The following COL19A1 variants were observed in gnomAD, a reference collection of about 807,000 sequenced individuals.
The protein encoded by COL19A1 is collagen alpha-1(XIX) chain.
A neutral mutation model predicts 190.2 loss-of-function variants in COL19A1; 159 were observed. That is an observed-to-expected ratio of 0.84 (90% CI 0.73 to 0.95). COL19A1 has a LOEUF of 0.95. Ranked by LOEUF, COL19A1 falls within the 40% of genes least tolerant of loss-of-function variation. The probability of loss-of-function intolerance (pLI) is 0.00; values close to 1 mark genes in which losing one functional copy is unlikely to be tolerated. For synonymous variants in COL19A1, 509 were observed against 458.9 expected (o/e 1.11, Z -1.39); for missense variants, 1,418 against 1,431.9 (o/e 0.99, Z 0.16).
At chr6:69,968,459 C>G (rs1775243905) in intron 11 of COL19A1, among the ~76,000 whole-genome samples, 1 of 152,074 alleles carries the variant, frequency 6.6e-6, no homozygotes, top group South Asian at 2.1e-4. Context: ...TTATATTTAA[C>G]TTGTAACAGC....
chr6:69,905,475 C>T (rs1049795830), intron 4 of COL19A1, among the ~76,000 whole-genome samples: 2 of 152,084 alleles, frequency 1.3e-5, no homozygotes, highest in Admixed American at 6.6e-5. Flanking sequence ...TGTCCTGGCT[C>T]CCCGCTGTTC....
intron 15 of COL19A1, among the ~76,000 whole-genome samples, chr6:70,083,990 C>T (rs967315602): frequency 2.6e-5 from 4 of 151,794 alleles, no homozygotes; most frequent in African/African-American, 9.7e-5. Flanking sequence ...TTTTTTCCCC[C>T]CGGAAAAAAG....
intron 11 of COL19A1, among the ~76,000 whole-genome samples, chr6:69,983,768 C>G (rs1032289934): frequency 6.6e-6 from 1 of 152,000 alleles, no homozygotes; most frequent in Admixed American, 6.6e-5. Context: ...GATTGATTTT[C>G]AAATGCTAAA....
intron 11 of COL19A1, among the ~76,000 whole-genome samples, chr6:69,997,148 G>T (rs1233907725): frequency 1.3e-5 from 2 of 151,868 alleles, no homozygotes; most frequent in African/African-American, 2.4e-5. Flanking sequence ...CCAGCAAAAA[G>T]AAAAAGCAAA....
intron 11 of COL19A1, among the ~76,000 whole-genome samples, chr6:69,974,712 T>A (rs1347950586): frequency 1.3e-5 from 2 of 152,052 alleles, no homozygotes; most frequent in Non-Finnish European, 2.9e-5. Context: ...ATCTAATTTA[T>A]CCCAGTTCTA....
At chr6:70,127,993 A>T (rs1167581977) in intron 17 of COL19A1, among the ~76,000 whole-genome samples, 1 of 152,238 alleles carries the variant, frequency 6.6e-6, no homozygotes, top group Non-Finnish European at 1.5e-5. Context: ...TCAATTTAAC[A>T]AGAAAAACTC....
At chr6:70,157,475 G>T (rs1267073977) in intron 34 of COL19A1, among the ~76,000 whole-genome samples, 1 of 151,798 alleles carries the variant, frequency 6.6e-6, no homozygotes, top group Non-Finnish European at 1.5e-5. Context: ...AAGCCATCTG[G>T]CATATATTAA....
intron 4 of COL19A1, among the ~76,000 whole-genome samples, chr6:69,909,472 AT>A (rs1011480512): frequency 2.0e-5 from 3 of 152,156 alleles, no homozygotes; most frequent in African/African-American, 7.2e-5. Context: ...TGATAAAAAA[AT>A]ATCTTGAAGA....
At chr6:69,937,045 G>A (rs1773159563) in intron 8 of COL19A1, 135 bp downstream of exon 8, 1 of 1,247,190 alleles carries the variant, frequency 8.0e-7, no homozygotes, top group Non-Finnish European at 1.1e-6. Context: ...TTACTGGGGT[G>A]GGTTAAGAAA....
At chr6:70,003,659 T>G (rs1158163206) in intron 11 of COL19A1, among the ~76,000 whole-genome samples, 3 of 152,150 alleles carry the variant, frequency 2.0e-5, no homozygotes, top group Non-Finnish European at 2.9e-5. Flanking sequence ...TAATCGTAGT[T>G]GGTTTAAAGT....
At chr6:70,203,011 C>G (rs560602164) in intron 49 of COL19A1, among the ~76,000 whole-genome samples, 58 of 152,268 alleles carry the variant, frequency 3.8e-4, no homozygotes, top group Non-Finnish European at 7.6e-4. Context: ...ATGGCTGGTT[C>G]TCCCGGGTAT....
At chr6:69,984,808 G>T (rs1776227582) in intron 11 of COL19A1, among the ~76,000 whole-genome samples, 1 of 152,022 alleles carries the variant, frequency 6.6e-6, no homozygotes, top group African/African-American at 2.4e-5. Context: ...TTTCCTTGGG[G>T]ACATTTTAGC....
chr6:70,168,587 C>T, intron 39 of COL19A1, 68 bp from the exon 40 acceptor site: 1 of 1,516,964 alleles, frequency 6.6e-7, no homozygotes, highest in East Asian at 2.3e-5. Context: ...AATTGGACAA[C>T]AGTGTTTCTT....
intron 5 of COL19A1, 85 bp from the exon 6 acceptor site, chr6:69,929,340 A>G (rs1772600823): frequency 7.7e-7 from 1 of 1,299,476 alleles, no homozygotes; most frequent in Non-Finnish European, 1.1e-6. Flanking sequence ...TTATACTAAT[A>G]TGCATCTTGA....
At chr6:70,184,821 A>T in intron 45 of COL19A1, 50 bp from the exon 46 acceptor site, 1 of 1,609,046 alleles carries the variant, frequency 6.2e-7, no homozygotes. Flanking sequence ...AATCAGACTG[A>T]TGAAAAATCT....
At chr6:70,074,819 C>T (rs1488207480) in intron 15 of COL19A1, among the ~76,000 whole-genome samples, 3 of 152,170 alleles carry the variant, frequency 2.0e-5, no homozygotes, top group African/African-American at 4.8e-5. Flanking sequence ...TTAAAATGCA[C>T]GATGAGTGTT....
intron 7 of COL19A1, among the ~76,000 whole-genome samples, chr6:69,934,018 T>C (rs1319088799): frequency 1.3e-5 from 2 of 152,044 alleles, no homozygotes; most frequent in Non-Finnish European, 2.9e-5. Flanking sequence ...GAAAATTATA[T>C]GAAAATTTTA....
At chr6:69,973,679 A>C (rs1436877590) in intron 11 of COL19A1, among the ~76,000 whole-genome samples, 1 of 152,240 alleles carries the variant, frequency 6.6e-6, no homozygotes, top group Non-Finnish European at 1.5e-5. Context: ...TAATACAATC[A>C]TCAAATATCC....
intron 9 of COL19A1, among the ~76,000 whole-genome samples, chr6:69,943,277 CT>C (rs1285965205): frequency 6.6e-6 from 1 of 152,006 alleles, no homozygotes; most frequent in Non-Finnish European, 1.5e-5. Context: ...TGTTGAGTTG[CT>C]TGAGCTCCTT....
Sources: allele counts gnomAD v4.1 joint callset (sites outside exome capture counted in the v4.1 genomes callset), GRCh38; gene constraint gnomAD v4.1.1; transcripts MANE v1.5; gene names NCBI Gene and HGNC (gene_info 2026-07-23, HGNC 2026-07-21).